Variants in CBR4 observed in about 807,000 individuals in gnomAD.
The protein encoded by CBR4 is carbonyl reductase 4.
Under a neutral mutation model 21.0 loss-of-function variants are expected in CBR4, and 22 were observed. The observed-to-expected ratio is 1.05, with a 90% CI of 0.75 to 1.50. The LOEUF (loss-of-function observed/expected upper bound fraction) is 1.50. CBR4 is among the 40% of genes most tolerant of loss of function. CBR4 has a pLI of 0.00. For missense variants in CBR4, 302 were observed against 286.3 expected, an observed-to-expected ratio of 1.05 and a Z score of -0.40; for synonymous variants, 100 against 104.4, an observed-to-expected ratio of 0.96 and a Z score of 0.26.
intron 2 of CBR4, among the ~76,000 whole-genome samples, chr4:168,908,919 T>C (rs983353385): frequency 6.6e-6 from 1 of 152,218 alleles, no homozygotes; most frequent in Non-Finnish European, 1.5e-5. Context: ...GTTAATCTTT[T>C]GGGAATAAGA....
chr4:168,896,059 A>C (rs915619167), intron 2 of CBR4, among the ~76,000 whole-genome samples: 1 of 152,094 alleles, frequency 6.6e-6, no homozygotes, highest in Non-Finnish European at 1.5e-5. Context: ...AAAATACAAA[A>C]ATTAGCCGGG....
chr4:168,942,182 A>G (rs1763282049), intron 2 of CBR4, among the ~76,000 whole-genome samples: 1 of 151,992 alleles, frequency 6.6e-6, no homozygotes, highest in Non-Finnish European at 1.5e-5. Flanking sequence ...GAGTCGAACA[A>G]TAAGAACTCA....
chr4:169,009,073 A>C (rs1011843797), intron 1 of CBR4: 13 of 450,018 alleles, frequency 2.9e-5, no homozygotes, highest in African/African-American at 1.4e-4. Context: ...AAAAAAAAAA[A>C]AAAACCAGAT....
chr4:168,952,405 G>T (rs1029131890), intron 2 of CBR4, among the ~76,000 whole-genome samples: 11 of 152,004 alleles, frequency 7.2e-5, no homozygotes, highest in African/African-American at 2.7e-4. Context: ...CCTCCTGAAT[G>T]CTTTCTGGGG....
chr4:168,956,269 A>T (rs1417152653), intron 2 of CBR4, among the ~76,000 whole-genome samples: 1 of 152,120 alleles, frequency 6.6e-6, no homozygotes, highest in South Asian at 2.1e-4. Context: ...CCCCAGATAC[A>T]GGGAGGACCC....
chr4:169,006,933 T>A lies in CBR4; in HGVS notation c.264-42A>T, dbSNP rs199980455. ...CATATAATAGCATATAATAACAAGATAAAAACCAAAAAGGTCAAGACTAAT... is the reference window on the plus strand; with the variant it reads ...CATATAATAGCATATAATAACAAGAAAAAAACCAAAAAGGTCAAGACTAAT... On this transcript the variant is annotated intron_variant, in intron 2 of 4. Transcript: ENST00000306193. 5 of 1,536,072 alleles carry A rather than the reference T, an allele frequency of 3.3e-6. No homozygotes were observed. In the South Asian group the frequency reaches 3.4e-5, roughly 10 times the overall value.
At chr4:168,901,863 A>AT (rs1471555625) in intron 2 of CBR4, among the ~76,000 whole-genome samples, 1 of 152,202 alleles carries the variant, frequency 6.6e-6, no homozygotes, top group African/African-American at 2.4e-5. Context: ...CATCTAAAAA[A>AT]AGAAAGTCAA....
At chr4:168,953,150 G>A (rs1364071435) in intron 2 of CBR4, among the ~76,000 whole-genome samples, 2 of 152,150 alleles carry the variant, frequency 1.3e-5, no homozygotes, top group Non-Finnish European at 2.9e-5. Flanking sequence ...TACCTGGGAG[G>A]ATAATGGCTG....
chr4:168,961,793 G>C (rs1763862911), intron 2 of CBR4, among the ~76,000 whole-genome samples: 1 of 152,170 alleles, frequency 6.6e-6, no homozygotes, highest in South Asian at 2.1e-4. Context: ...ATGAAGCTGA[G>C]GCAGGAGAAT....
At chr4:168,928,040 ACTT>A (rs1407619223) in intron 2 of CBR4, 1 of 195,498 alleles carries the variant, frequency 5.1e-6, no homozygotes, top group Non-Finnish European at 1.1e-5. Context: ...ACAGCTTTCT[ACTT>A]CTTTGTAAGA....
At position 168,924,328 on chromosome 4, in the gene CBR4, G is replaced by A; in HGVS notation, n.170-29563C>T. On this transcript the variant is annotated intron_variant and non_coding_transcript_variant, in intron 2 of 3. Coordinates refer to the CBR4 transcript ENST00000509108. ...CAGGAGTTGCTGATGGGTACCCAGT[G>A]CGGCTGGAATGTCGTGTATTGGGAG... The A allele has an allele frequency of 6.2e-7, 1 of 1,613,954 alleles. No individual in the cohort carries two copies. Among genetic ancestry groups the A allele is most frequent in the Non-Finnish European group, 8.5e-7 (1 of 1,179,866 alleles).
chr4:168,944,821 T>C lies in CBR4; in HGVS notation n.170-50056A>G, dbSNP rs188506511. On this transcript the variant is annotated intron_variant and non_coding_transcript_variant, in intron 2 of 3. Transcript: ENST00000509108. The stretch of plus-strand genomic sequence containing the variant: ...CATTTATATTCCTATGTGGTCTAGT[T>C]TTCAATTGTTTCTTACTGACTCTCA... 2.9e-4 allele frequency among the ~76,000 whole-genome samples: 44 copies of C among 152,126 alleles called. No homozygotes were observed. In the East Asian group the frequency reaches 8.1e-3, roughly 28 times the overall value.
chr4:168,907,388 G>A (rs1414016912), intron 2 of CBR4, among the ~76,000 whole-genome samples: 2 of 152,134 alleles, frequency 1.3e-5, no homozygotes, highest in African/African-American at 4.8e-5. Flanking sequence ...TACCCAGTAT[G>A]TTGTTGCTGT....
chr4:168,935,203 A>G (rs1763075646), intron 2 of CBR4, among the ~76,000 whole-genome samples: 1 of 152,208 alleles, frequency 6.6e-6, no homozygotes, highest in South Asian at 2.1e-4. Context: ...AGCCAAGGGA[A>G]GCCGTGAGGG....
At chr4:168,956,677 C>T (rs1333913415) in intron 2 of CBR4, among the ~76,000 whole-genome samples, 1 of 149,298 alleles carries the variant, frequency 6.7e-6, no homozygotes, top group East Asian at 2.0e-4. Flanking sequence ...CAGGTTTACA[C>T]CAGTACCTTA....
chr4:168,957,996 C>A (rs1310335269), intron 2 of CBR4, among the ~76,000 whole-genome samples: 2 of 152,150 alleles, frequency 1.3e-5, no homozygotes, highest in Non-Finnish European at 2.9e-5. Context: ...GAGGCCTCCC[C>A]AGCCCTGCGG....
At chr4:168,905,695 GA>G (rs1757584794) in intron 2 of CBR4, among the ~76,000 whole-genome samples, 2 of 149,874 alleles carry the variant, frequency 1.3e-5, no homozygotes, top group Admixed American at 1.3e-4. Context: ...CCATCACCCT[GA>G]AAAAGTCTAA....
chr4:168,958,387 A>G (rs996197763), intron 2 of CBR4, among the ~76,000 whole-genome samples: 6 of 152,184 alleles, frequency 3.9e-5, no homozygotes, highest in Non-Finnish European at 8.8e-5. Context: ...CAATTTATCT[A>G]TGTGTATAAT....
intron 4 of CBR4, among the ~76,000 whole-genome samples, chr4:168,992,340 T>C (rs1330370954): frequency 6.6e-6 from 1 of 152,090 alleles, no homozygotes; most frequent in East Asian, 1.9e-4. Flanking sequence ...ACAATGGAGA[T>C]TCAGAAGGGT....
Sources: gnomAD v4.1 joint callset for allele counts (sites outside exome capture counted in the v4.1 genomes callset) on GRCh38, gnomAD v4.1.1 for gene constraint, MANE v1.5 for transcripts, NCBI Gene and HGNC (gene_info 2026-07-23, HGNC 2026-07-21) for gene names.